Variants in WRN observed in about 807,000 individuals in gnomAD.
The protein encoded by WRN is bifunctional 3'-5' exonuclease/ATP-dependent helicase WRN.
In WRN, 149 loss-of-function variants were observed where a neutral mutation model predicts 180.7. That is an observed-to-expected ratio of 0.82 (90% CI 0.72 to 0.94). The LOEUF (loss-of-function observed/expected upper bound fraction) is 0.94, where lower values mean the gene tolerates loss of function less well. Ranked by LOEUF, WRN falls within the 40% of genes least tolerant of loss-of-function variation. The pLI is 0.00. For synonymous variants in WRN, 548 were observed against 568.9 expected, an observed-to-expected ratio of 0.96 and a Z score of 0.52; for missense variants, 1,661 against 1,700.1, an observed-to-expected ratio of 0.98 and a Z score of 0.40.
At chr8:31,097,805 G>A (rs1005467021) in intron 17 of WRN, among the ~76,000 whole-genome samples, 2 of 151,936 alleles carry the variant, frequency 1.3e-5, no homozygotes, top group Admixed American at 6.6e-5. Context: ...TCTTCTTGGT[G>A]GTTAGGCTTA....
rs777402254 is a variant in WRN, at chr8:31,081,018, A to G, written c.991A>G (p.Lys331Glu). Residue 331 changes from lysine to glutamate, a missense_variant, in exon 9 of 35, where the codon AAA becomes GAA. Lys to Glu is a moderately conservative substitution (Grantham distance 56). Coordinates refer to ENST00000298139, the MANE Select transcript of WRN (RefSeq NM_000553.6). ...TTCAACTACTGGGGGAGTACAACAG[A>G]AACAAATTAGAGAACATGAAGTTTT... is the stretch of plus-strand genomic sequence containing the variant. ...EDSTTGGVQQ[K>E]QIREHEVLIH... 6.2e-7 allele frequency: 1 copy of G among 1,614,070 alleles called. No individual in the cohort carries two copies. The highest frequency in any genetic ancestry group is 1.1e-5 in the South Asian group (1 of 91,084).
chr8:31,103,836 G>C (rs1034218851), intron 18 of WRN, among the ~76,000 whole-genome samples: 3 of 152,036 alleles, frequency 2.0e-5, no homozygotes, highest in Non-Finnish European at 4.4e-5. Flanking sequence ...CTGGGTTCAC[G>C]CCATTCTCCT....
intron 28 of WRN, among the ~76,000 whole-genome samples, chr8:31,146,002 C>T (rs1323735802): frequency 1.3e-5 from 2 of 151,676 alleles, no homozygotes; most frequent in Non-Finnish European, 2.9e-5. Context: ...AATACCTATA[C>T]TTGATATAAA....
intron 13 of WRN, among the ~76,000 whole-genome samples, 175 bp downstream of exon 13, chr8:31,089,140 T>C (rs1209427431): frequency 1.3e-5 from 2 of 152,116 alleles, no homozygotes; most frequent in Non-Finnish European, 2.9e-5. Context: ...TTATATAAAA[T>C]TCATTTCTGC....
intron 20 of WRN, 134 bp downstream of exon 20, chr8:31,116,662 A>G: frequency 1.6e-6 from 2 of 1,267,560 alleles, no homozygotes; most frequent in Non-Finnish European, 2.2e-6. Context: ...TAAATGTGGG[A>G]GAACAAACTT....
intron 21 of WRN, among the ~76,000 whole-genome samples, chr8:31,123,347 A>G (rs941830420): frequency 1.2e-4 from 18 of 152,080 alleles, no homozygotes; most frequent in African/African-American, 4.1e-4. Flanking sequence ...AACATAATAC[A>G]TACAGGATTT....
Position 31,096,867 on chromosome 8 carries a change from G to A in WRN, c.1981+17G>A. Reference sequence around the variant, plus strand: ...CTGATATTGGTAAGTGATAAAGAAAGATCTCTGTAAATACTTACTGAGTTA... The same window carrying A: ...CTGATATTGGTAAGTGATAAAGAAAAATCTCTGTAAATACTTACTGAGTTA... On this transcript the variant is annotated intron_variant, in intron 17 of 34. Coordinates refer to ENST00000298139, the MANE Select transcript of WRN (RefSeq NM_000553.6). The A allele has an allele frequency of 6.2e-7, 1 of 1,604,120 alleles. No homozygotes were observed. Among genetic ancestry groups the A allele is most frequent in the Non-Finnish European group, 8.5e-7 (1 of 1,171,496 alleles).
intron 33 of WRN, among the ~76,000 whole-genome samples, chr8:31,159,880 G>A (rs1223576193): frequency 6.7e-6 from 1 of 150,254 alleles, no homozygotes. Flanking sequence ...GGGAGGCGGA[G>A]GTTGCAGTGA....
At chr8:31,097,753 T>C (rs1814050467) in intron 17 of WRN, among the ~76,000 whole-genome samples, 1 of 152,032 alleles carries the variant, frequency 6.6e-6, no homozygotes, top group Non-Finnish European at 1.5e-5. Context: ...CACTCCATCC[T>C]GGGCAACAGA....
intron 21 of WRN, among the ~76,000 whole-genome samples, chr8:31,121,904 G>A (rs1022098253): frequency 4.6e-5 from 7 of 151,720 alleles, no homozygotes; most frequent in Non-Finnish European, 8.8e-5. Context: ...TAAATAATTG[G>A]GATAGAACAC....
intron 21 of WRN, among the ~76,000 whole-genome samples, chr8:31,122,983 C>T (rs899996741): frequency 6.7e-6 from 1 of 150,072 alleles, no homozygotes; most frequent in Non-Finnish European, 1.5e-5. Flanking sequence ...TACAGTGGAC[C>T]CCCTTGTCTG....
intron 15 of WRN, among the ~76,000 whole-genome samples, chr8:31,091,610 G>C (rs1443670380): frequency 1.3e-5 from 2 of 151,996 alleles, no homozygotes; most frequent in Non-Finnish European, 2.9e-5. Context: ...ATCCCCTGCT[G>C]CCCTGAGCTT....
At chr8:31,101,624 T>C (rs922635898) in intron 18 of WRN, among the ~76,000 whole-genome samples, 3 of 151,622 alleles carry the variant, frequency 2.0e-5, no homozygotes, top group Non-Finnish European at 4.4e-5. Context: ...CTGTCTCTAC[T>C]AAAAATACAA....
At chr8:31,144,339 GTT>G (rs35613465) in intron 28 of WRN, among the ~76,000 whole-genome samples, 1 of 144,406 alleles carries the variant, frequency 6.9e-6, no homozygotes, top group African/African-American at 2.6e-5. Flanking sequence ...CTCTAAGTGT[GTT>G]TTTTTTTTTT....
At chr8:31,160,556 A>G (rs1352177733) in intron 33 of WRN, among the ~76,000 whole-genome samples, 1 of 152,234 alleles carries the variant, frequency 6.6e-6, no homozygotes, top group African/African-American at 2.4e-5. Flanking sequence ...GTTTTAGGGA[A>G]AGCCAAAGAC....
intron 23 of WRN, chr8:31,131,801 G>A: frequency 6.4e-6 from 1 of 156,412 alleles, no homozygotes; most frequent in East Asian, 1.7e-4. Context: ...ACTTTCCTTG[G>A]GCTTTTTGTG....
chr8:31,049,710 A>G (rs1482916351), intron 1 of WRN, among the ~76,000 whole-genome samples: 1 of 152,112 alleles, frequency 6.6e-6, no homozygotes, highest in Admixed American at 6.5e-5. Flanking sequence ...TATCTAATTC[A>G]TATGGATTTG....
At chr8:31,110,036 A>C (rs1272030115) in intron 18 of WRN, among the ~76,000 whole-genome samples, 1 of 152,182 alleles carries the variant, frequency 6.6e-6, no homozygotes, top group African/African-American at 2.4e-5. Flanking sequence ...CACTGTTTTT[A>C]ATATGTGGTT....
intron 33 of WRN, among the ~76,000 whole-genome samples, chr8:31,160,385 G>A (rs930726717): frequency 3.9e-5 from 6 of 152,198 alleles, no homozygotes; most frequent in Non-Finnish European, 7.3e-5. Flanking sequence ...CCAAGGTAGG[G>A]TAGAGAGGCA....
Sources: gnomAD v4.1 joint callset for allele counts (sites outside exome capture counted in the v4.1 genomes callset) on GRCh38, gnomAD v4.1.1 for gene constraint, MANE v1.5 for transcripts, NCBI Gene and HGNC (gene_info 2026-07-23, HGNC 2026-07-21) for gene names.